The following TSHZ2 variants were observed in gnomAD, a reference collection of about 807,000 sequenced individuals.
The protein encoded by TSHZ2 is teashirt homolog 2.
A neutral mutation model predicts 74.4 loss-of-function variants in TSHZ2; 21 were observed. The ratio of observed to expected loss-of-function variants is 0.28; its 90% CI spans 0.20 to 0.41. The LOEUF is 0.41. Ranked by LOEUF, TSHZ2 falls within the 10% of genes least tolerant of loss-of-function variation. The pLI, the probability that TSHZ2 is intolerant of heterozygous loss-of-function variation, is 1.00. For missense variants in TSHZ2, 1,244 were observed against 1,293.5 expected (o/e 0.96, Z 0.59); for synonymous variants, 540 against 515.3 (o/e 1.05, Z -0.65).
At chr20:53,379,557 G>A (rs59148371) in intron 2 of TSHZ2, among the ~76,000 whole-genome samples, 3,098 of 152,226 alleles carry the variant, frequency 0.02, 105 homozygotes, top group African/African-American at 0.071. Context: ...TTTGCAGAGC[G>A]GAAGAGATGA....
intron 2 of TSHZ2, among the ~76,000 whole-genome samples, chr20:53,360,971 G>C (rs1015082332): frequency 6.6e-6 from 1 of 152,124 alleles, no homozygotes; most frequent in Non-Finnish European, 1.5e-5. Context: ...TTCTCCCTCT[G>C]GGGGGCTAGT....
At chr20:53,315,008 A>T (rs1978942429) in intron 2 of TSHZ2, among the ~76,000 whole-genome samples, 1 of 152,226 alleles carries the variant, frequency 6.6e-6, no homozygotes, top group African/African-American at 2.4e-5. Flanking sequence ...ACAAGAATTG[A>T]CACAATATTA....
chr20:53,064,266 C>T (rs372611506), intron 1 of TSHZ2, among the ~76,000 whole-genome samples: 6 of 152,066 alleles, frequency 3.9e-5, no homozygotes, highest in African/African-American at 9.7e-5. Flanking sequence ...AAACAAGGGC[C>T]TTGGAGTCAC....
intron 2 of TSHZ2, among the ~76,000 whole-genome samples, chr20:53,485,653 G>A (rs1193329149): frequency 6.6e-6 from 1 of 151,354 alleles, no homozygotes; most frequent in Non-Finnish European, 1.5e-5. Flanking sequence ...AGGTTGTAAT[G>A]AACCCACATC....
At chr20:53,367,792 C>T (rs1981324023) in intron 2 of TSHZ2, among the ~76,000 whole-genome samples, 1 of 152,014 alleles carries the variant, frequency 6.6e-6, no homozygotes, top group African/African-American at 2.4e-5. Flanking sequence ...AGGATGGTCT[C>T]AATCTCCTGA....
intron 2 of TSHZ2, among the ~76,000 whole-genome samples, chr20:53,327,231 C>G (rs2145538815): frequency 6.6e-6 from 1 of 152,304 alleles, no homozygotes; most frequent in Non-Finnish European, 1.5e-5. Flanking sequence ...TTCCTTCAAT[C>G]AAGGAAGATC....
chr20:53,046,234 C>G (rs1180446821), intron 1 of TSHZ2, among the ~76,000 whole-genome samples: 1 of 152,146 alleles, frequency 6.6e-6, no homozygotes, highest in Admixed American at 6.5e-5. Context: ...ATCCAAAGAA[C>G]ACTGATGTGA....
Position 53,255,319 on chromosome 20 carries a change from G to A in TSHZ2, c.1861G>A (p.Glu621Lys), listed in dbSNP as rs147158776. The A allele has an allele frequency of 5.1e-4, 828 of 1,614,076 alleles. No individual in the cohort carries two copies. The highest frequency in any genetic ancestry group is 8.0e-4 in the Admixed American group (48 of 60,016). ...VKECGKESPH[E>K]EASSFSHSEG... is the part of the protein sequence containing the mutation. ...GGAGTGTGGGAAAGAAAGTCCCCACGAAGAGGCCTCATCTTTCAGCCACAG... is the reference window on the plus strand; with the variant it reads ...GGAGTGTGGGAAAGAAAGTCCCCACAAAGAGGCCTCATCTTTCAGCCACAG... The change falls in exon 2 of 3, where the codon GAA (glutamate) becomes AAA (lysine). Residue 621 changes from glutamate (E) to lysine (K), a missense_variant. Physicochemically the swap from Glu to Lys is moderately conservative, Grantham distance 56 (BLOSUM62 1). Transcript: ENST00000371497. The surrounding 1 kb of genome is among the most constrained non-coding windows in gnomAD (Gnocchi z 4.1).
chr20:53,137,298 T>TTC (rs1223287700), intron 1 of TSHZ2, among the ~76,000 whole-genome samples: 3 of 147,116 alleles, frequency 2.0e-5, no homozygotes, highest in Admixed American at 2.0e-4. Context: ...TCGTGTTTCT[T>TTC]TTTTTTTTTT....
chr20:53,253,868 A>C lies in TSHZ2; in HGVS notation c.410A>C (p.Tyr137Ser), dbSNP rs1457881871. Residue 137 changes from tyrosine (Y) to serine (S), a missense_variant, in exon 2 of 3, where the codon TAC becomes TCC. Physicochemically the swap from Tyr to Ser is moderately radical, Grantham distance 144. Around this residue, in one of 6 missense-constraint regions of TSHZ2, gnomAD observed 470 missense variants for 456.5 expected, o/e 1.03. Transcript: ENST00000371497. Reference protein sequence around the residue: ...AVYANILSDSYWSGLGLGFKL... With the variant: ...AVYANILSDSSWSGLGLGFKL... Reference sequence around the variant, plus strand: ...TACGCCAACATCCTGTCGGATTCCTACTGGTCAGGCCTGGGCCTTGGCTTC... The same window carrying C: ...TACGCCAACATCCTGTCGGATTCCTCCTGGTCAGGCCTGGGCCTTGGCTTC... 1.9e-6 allele frequency: 3 copies of C among 1,614,202 alleles called. No individual in the cohort carries two copies. The highest frequency in any genetic ancestry group is 2.7e-5 in the African/African-American group (2 of 75,056).
intron 2 of TSHZ2, among the ~76,000 whole-genome samples, chr20:53,269,695 A>G (rs1990792910): frequency 6.6e-6 from 1 of 152,208 alleles, no homozygotes; most frequent in South Asian, 2.1e-4. Context: ...CAGAAAATCC[A>G]TGTCATTCAC....
At position 53,010,542 on chromosome 20, in the gene TSHZ2, G is replaced by T. The variant is rs572153399; in HGVS notation, c.40+37209G>T. Among the ~76,000 whole-genome samples the T allele has an allele frequency of 1.8e-3, 271 of 152,180 alleles. 1 individual carries two copies. The highest frequency in any genetic ancestry group is 5.8e-3 in the African/African-American group (240 of 41,530). ...CCAGCCTGTGAGCCTTAGGAAGGAG[G>T]TCAGTTGGTTTCTTTTTCTTGGCCA... On this transcript the variant is annotated intron_variant, in intron 1 of 2. Transcript: ENST00000371497.
chr20:53,202,111 T>G (rs894073274), intron 1 of TSHZ2, among the ~76,000 whole-genome samples: 2 of 152,296 alleles, frequency 1.3e-5, no homozygotes, highest in South Asian at 4.1e-4. Context: ...CAGCTTCTAT[T>G]TAATGTTCTC....
chr20:53,221,299 C>G (rs1367812211), intron 1 of TSHZ2, among the ~76,000 whole-genome samples: 1 of 152,168 alleles, frequency 6.6e-6, no homozygotes, highest in Admixed American at 6.5e-5. Context: ...ATGTCTTTAT[C>G]AGCAGCATGA....
At position 53,493,805 on chromosome 20, in the gene TSHZ2, A is replaced by G. The variant is rs1048203202; in HGVS notation, c.*6670A>G. The G allele has an allele frequency of 6.6e-6, 1 of 152,040 alleles. No homozygotes were observed. Among genetic ancestry groups the G allele is most frequent in the Non-Finnish European group, 1.5e-5 (1 of 68,026 alleles). 9.4% of individuals were successfully genotyped at this position (152,040 alleles called of 1,614,324 possible). ...CTGTGGCCAAACAGATTCATCACAG[A>G]TAGGCATCTATGCCCATTTCTCTGG... On this transcript the variant is annotated 3_prime_UTR_variant, in exon 3 of 3. Coordinates refer to ENST00000371497, the MANE Select transcript of TSHZ2 (RefSeq NM_173485.6).
intron 2 of TSHZ2, among the ~76,000 whole-genome samples, chr20:53,306,968 G>T (rs1240921118): frequency 6.6e-6 from 1 of 152,126 alleles, no homozygotes; most frequent in Non-Finnish European, 1.5e-5. Flanking sequence ...CTAAGAAGTA[G>T]GTATAATTGC....
In TSHZ2 at chr20:52,975,153, G is replaced by A. The variant is rs1212408112; in HGVS notation, c.40+1820G>A. 3.3e-5 allele frequency among the ~76,000 whole-genome samples: 5 copies of A among 152,154 alleles called. 1 individual carries two copies. In the South Asian group the frequency reaches 8.3e-4, roughly 25 times the overall value. Reference sequence around the variant, plus strand: ...TCTAGTTCTGGCAACATAAGTTTAAGTGTAGCTACATTATTAGAGATAACG... The same window carrying A: ...TCTAGTTCTGGCAACATAAGTTTAAATGTAGCTACATTATTAGAGATAACG... On this transcript the variant is annotated intron_variant, in intron 1 of 2. Transcript: ENST00000371497.
At chr20:53,450,888 T>C (rs1984752273) in intron 2 of TSHZ2, among the ~76,000 whole-genome samples, 1 of 139,376 alleles carries the variant, frequency 7.2e-6, no homozygotes, top group Non-Finnish European at 1.5e-5. Flanking sequence ...TGCCAAGTAG[T>C]GGCTTTAAGG....
intron 1 of TSHZ2, among the ~76,000 whole-genome samples, chr20:53,080,822 T>C (rs1026771194): frequency 6.6e-6 from 1 of 152,104 alleles, no homozygotes; most frequent in African/African-American, 2.4e-5. Context: ...ATCATTTTTG[T>C]TGATCCAGAA....
Sources: allele counts gnomAD v4.1 joint callset (sites outside exome capture counted in the v4.1 genomes callset), GRCh38; gene constraint gnomAD v4.1.1; regional missense constraint gnomAD v4.1.1; non-coding constraint Gnocchi (gnomAD v3.1); transcripts MANE v1.5; gene names NCBI Gene and HGNC (gene_info 2026-07-23, HGNC 2026-07-21).